Variants in COLEC10 observed in about 807,000 individuals in gnomAD.
The protein encoded by COLEC10 is collectin subfamily member 10, also known as collectin-10.
In COLEC10, 22 loss-of-function variants were observed where a neutral mutation model predicts 28.4. That is an observed-to-expected ratio of 0.78 (90% confidence interval 0.55 to 1.11). The LOEUF (loss-of-function observed/expected upper bound fraction) is 1.11, where lower values mean the gene tolerates loss of function less well. Ranked by LOEUF, COLEC10 falls within the 50% of genes least tolerant of loss-of-function variation. The pLI is 0.00. For missense variants in COLEC10, 361 were observed against 344.1 expected, an observed-to-expected ratio of 1.05 and a Z score of -0.39; for synonymous variants, 125 against 116.1, an observed-to-expected ratio of 1.08 and a Z score of -0.49.
chr8:119,091,095 A>G (rs968573382), intron 2 of COLEC10, 54 bp from the exon 3 acceptor site: 6 of 1,421,746 alleles, frequency 4.2e-6, no homozygotes, highest in African/African-American at 2.8e-5. Flanking sequence ...CATTAGCCAC[A>G]TTTCAAGGGA....
chr8:118,993,870 T>C (rs1813546200), upstream of COLEC10, among the ~76,000 whole-genome samples: 4 of 152,266 alleles, frequency 2.6e-5, no homozygotes, highest in South Asian at 8.3e-4. Flanking sequence ...TAGGGGTTTA[T>C]AGGAGAAGCA....
chr8:118,983,138 C>T, the COLEC10 span, among the ~76,000 whole-genome samples: 2 of 152,132 alleles, frequency 1.3e-5, no homozygotes, highest in African/African-American at 4.8e-5. Flanking sequence ...TTTTGGTGTT[C>T]CACAGAATTA....
rs1227045537 is a variant in COLEC10, at chr8:119,070,952, G to A, written c.148+3523G>A. 2.6e-5 allele frequency among the ~76,000 whole-genome samples: 4 copies of A among 152,272 alleles called. No homozygotes were observed. In the East Asian group the frequency reaches 7.8e-4, roughly 30 times the overall value. On this transcript the variant is annotated intron_variant, in intron 1 of 5. Transcript: ENST00000332843. ...AAGGAAACAATTCCAGCGGGGCCAA[G>A]GGAAGTGCCCGAGTTCTTTCAGCAG...
At chr8:119,023,137 C>A (rs911320757) in intron 2 of COLEC10, among the ~76,000 whole-genome samples, 1 of 152,128 alleles carries the variant, frequency 6.6e-6, no homozygotes, top group African/African-American at 2.4e-5. Context: ...TTTAACATTA[C>A]ACATTGTCCG....
At position 119,106,272 on chromosome 8, in the gene COLEC10, A is replaced by G; in HGVS notation, c.*81A>G. On this transcript the variant is annotated 3_prime_UTR_variant, in exon 6 of 6. Coordinates refer to ENST00000332843, the MANE Select transcript of COLEC10 (RefSeq NM_006438.5). ...TATCCATCCTTTTTTTCCTGATTGT[A>G]CTACATTTGATCTGAGTCAACATAG... is the stretch of plus-strand genomic sequence containing the variant. 1 of 1,422,364 alleles carries G rather than the reference A, an allele frequency of 7.0e-7. No homozygotes were observed. The highest frequency in any genetic ancestry group is 9.6e-7 in the Non-Finnish European group (1 of 1,043,402). 88.1% of individuals were successfully genotyped at this position (1,422,364 alleles called of 1,614,324 possible).
intron 3 of COLEC10, among the ~76,000 whole-genome samples, chr8:119,101,810 TG>T (rs1324315923): frequency 5.3e-5 from 8 of 152,294 alleles, no homozygotes; most frequent in African/African-American, 1.9e-4. Flanking sequence ...TGTTTTGTTT[TG>T]TTTTGTTTTG....
chr8:118,989,871 G>T, the COLEC10 span, among the ~76,000 whole-genome samples: 2 of 152,038 alleles, frequency 1.3e-5, no homozygotes, highest in African/African-American at 4.8e-5. Context: ...TTATTATCAT[G>T]CTTACCAGTT....
At chr8:119,025,460 C>T (rs1225540783) in intron 2 of COLEC10, among the ~76,000 whole-genome samples, 1 of 152,148 alleles carries the variant, frequency 6.6e-6, no homozygotes, top group African/African-American at 2.4e-5. Flanking sequence ...CCTGGGCCAC[C>T]CACCCCTGTG....
At chr8:118,972,615 C>T in the COLEC10 span, among the ~76,000 whole-genome samples, 72 of 152,116 alleles carry the variant, frequency 4.7e-4, no homozygotes, top group South Asian at 0.015. Flanking sequence ...TCCCCAGTAA[C>T]CTGAGTTGCT....
chr8:119,096,409 T>A (rs76563914), intron 3 of COLEC10, among the ~76,000 whole-genome samples: 1 of 152,170 alleles, frequency 6.6e-6, no homozygotes, highest in Non-Finnish European at 1.5e-5. Flanking sequence ...CTAGCCAGCA[T>A]GGCGAAACCC....
chr8:119,077,935 G>A (rs77900357), intron 1 of COLEC10, among the ~76,000 whole-genome samples: 5,418 of 152,256 alleles, frequency 0.036, 127 homozygotes, highest in African/African-American at 0.062. Flanking sequence ...CAAAAAGTTT[G>A]GTGCCACCAT....
chr8:119,095,376 T>C (rs1815691469), intron 3 of COLEC10, among the ~76,000 whole-genome samples: 1 of 152,202 alleles, frequency 6.6e-6, no homozygotes, highest in African/African-American at 2.4e-5. Flanking sequence ...CTTTCCCAGA[T>C]TGATCCATCG....
chr8:119,067,586 T>G, intron 1 of COLEC10, 157 bp downstream of exon 1: 2 of 657,008 alleles, frequency 3.0e-6, no homozygotes, highest in African/African-American at 1.8e-5. Context: ...CCAGATCTGG[T>G]CTGTTACTTA....
chr8:118,982,258 A>T, the COLEC10 span, among the ~76,000 whole-genome samples: 2,097 of 152,164 alleles, frequency 0.014, 52 homozygotes, highest in African/African-American at 0.048. Context: ...TCTGGAAATA[A>T]TTTCCTTAAA....
chr8:118,999,593 T>TAA (rs35277668), intron 1 of COLEC10, among the ~76,000 whole-genome samples: 5,933 of 136,568 alleles, frequency 0.043, 181 homozygotes, highest in East Asian at 0.16. Context: ...TCCATCTCAA[T>TAA]AAAAAAAAAA....
intron 2 of COLEC10, among the ~76,000 whole-genome samples, chr8:119,025,911 T>C (rs1273703177): frequency 6.6e-6 from 1 of 152,174 alleles, no homozygotes; most frequent in Admixed American, 6.5e-5. Context: ...ATTTAGTTTA[T>C]GCCTGCATCA....
chr8:118,989,069 T>A, the COLEC10 span, among the ~76,000 whole-genome samples: 1 of 152,136 alleles, frequency 6.6e-6, no homozygotes, highest in African/African-American at 2.4e-5. Context: ...GGCAAATGAT[T>A]TAAAATAACT....
chr8:119,036,305 A>G (rs1242881808), intron 2 of COLEC10, among the ~76,000 whole-genome samples: 3 of 152,196 alleles, frequency 2.0e-5, no homozygotes, highest in Non-Finnish European at 4.4e-5. Flanking sequence ...TTGATTTTTC[A>G]CTTAGTATAT....
At chr8:118,991,328 C>A (rs571953174), upstream of COLEC10, among the ~76,000 whole-genome samples, 4 of 152,268 alleles carry the variant, frequency 2.6e-5, no homozygotes, top group East Asian at 5.8e-4. Context: ...AACTAGTACC[C>A]ATTTCATCAA....
Sources: gnomAD v4.1 joint callset for allele counts (sites outside exome capture counted in the v4.1 genomes callset) on GRCh38, gnomAD v4.1.1 for gene constraint, MANE v1.5 for transcripts, NCBI Gene and HGNC (gene_info 2026-07-23, HGNC 2026-07-21) for gene names.